Variants in FGF18 observed in about 807,000 individuals in gnomAD.
The protein encoded by FGF18 is fibroblast growth factor 18.
Under a neutral mutation model 23.0 loss-of-function variants are expected in FGF18, and 5 were observed. That is an observed-to-expected ratio of 0.22 (90% confidence interval 0.11 to 0.46). The LOEUF is 0.46. FGF18 is among the 20% of genes least tolerant of loss of function. The pLI is 0.99. For missense variants in FGF18, 180 were observed against 291.6 expected, an observed-to-expected ratio of 0.62 and a Z score of 2.79; for synonymous variants, 117 against 118.9, an observed-to-expected ratio of 0.98 and a Z score of 0.10.
Position 171,436,112 on chromosome 5 carries a change from A to G in FGF18, c.89A>G (p.Asn30Ser). ...GCCCAGGTGCTGGTTGCCGAGGAGA[A>G]CGTGGACTTCCGCATCCACGTGGAG... Reference protein sequence around the residue: ...FQVQVLVAEENVDFRIHVENQ... With the variant: ...FQVQVLVAEESVDFRIHVENQ... Residue 30 changes from asparagine (N) to serine (S), a missense_variant, in exon 3 of 5, where the codon AAC (asparagine) becomes AGC (serine). By Grantham distance (46) the Asn-to-Ser change is conservative. Coordinates refer to ENST00000274625, the MANE Select transcript of FGF18 (RefSeq NM_003862.3). This position sits in a 1 kb window ranked among gnomAD's most constrained non-coding sequence, Gnocchi z 4.4. 6.4e-7 allele frequency: 1 copy of G among 1,565,214 alleles called. No homozygotes were observed. The highest frequency in any genetic ancestry group is 8.7e-7 in the Non-Finnish European group (1 of 1,150,098).
chr5:171,451,764 C>G lies in FGF18; in HGVS notation c.357+2511C>G, dbSNP rs1046275550. Among the ~76,000 whole-genome samples the G allele has an allele frequency of 3.9e-4, 59 of 152,328 alleles. No homozygotes were observed. Among genetic ancestry groups the G allele is most frequent in the African/African-American group, 1.4e-3 (57 of 41,580 alleles). Reference sequence around the variant, plus strand: ...TCCAGATGCGTGGCACTGAGCACCGCTGTTCCATGGACGGGGCCTTCGGGC... The same window carrying G: ...TCCAGATGCGTGGCACTGAGCACCGGTGTTCCATGGACGGGGCCTTCGGGC... On this transcript the variant is annotated intron_variant, in intron 4 of 4. Coordinates refer to ENST00000274625, the MANE Select transcript of FGF18 (RefSeq NM_003862.3). This position sits in a 1 kb window ranked among gnomAD's most constrained non-coding sequence, Gnocchi z 4.5.
chr5:171,448,652 T>G (rs35786776), intron 3 of FGF18, among the ~76,000 whole-genome samples: 6,964 of 151,966 alleles, frequency 0.046, 231 homozygotes, highest in Middle Eastern at 0.11. Context: ...TTGCTTTGGG[T>G]TTGGGGGATG....
At chr5:171,441,529 G>A (rs1487764011) in intron 3 of FGF18, among the ~76,000 whole-genome samples, 2 of 152,148 alleles carry the variant, frequency 1.3e-5, no homozygotes, top group African/African-American at 4.8e-5. Context: ...CCCATGGCCC[G>A]CTCCCTCACC....
At chr5:171,455,835 A>G (rs1457127283) in intron 4 of FGF18, among the ~76,000 whole-genome samples, 1 of 152,208 alleles carries the variant, frequency 6.6e-6, no homozygotes, top group Non-Finnish European at 1.5e-5. Flanking sequence ...TTGCTCTGGT[A>G]GGGATGAAGT....
At chr5:171,422,851 A>T (rs1321594841) in intron 2 of FGF18, among the ~76,000 whole-genome samples, 1 of 152,114 alleles carries the variant, frequency 6.6e-6, no homozygotes, top group Admixed American at 6.5e-5. Flanking sequence ...CCCCAGCTCC[A>T]GCTCCATCTT....
chr5:171,428,944 C>A (rs1002192089), intron 2 of FGF18, among the ~76,000 whole-genome samples: 2 of 152,238 alleles, frequency 1.3e-5, no homozygotes, highest in South Asian at 2.1e-4. Flanking sequence ...CCCAACCCCC[C>A]ATCCTGCAGT....
chr5:171,438,069 G>A (rs1234354841), intron 3 of FGF18, among the ~76,000 whole-genome samples: 4 of 151,870 alleles, frequency 2.6e-5, no homozygotes, highest in African/African-American at 9.7e-5. Flanking sequence ...ACAATGGTTG[G>A]GCTAACGCAG....
rs376313942 is a variant in FGF18 at position 171,456,082 on chromosome 5, C to T, written c.358-457C>T. Among the ~76,000 whole-genome samples, 13 of 152,286 alleles carry T rather than the reference C, an allele frequency of 8.5e-5. No individual in the cohort carries two copies. The East Asian group carries it at 9.7e-4, about 11-fold the overall frequency. On this transcript the variant is annotated intron_variant, in intron 4 of 4. Transcript: ENST00000274625. This position sits in a 1 kb window ranked among gnomAD's most constrained non-coding sequence, Gnocchi z 6.1. Reference sequence around the variant, plus strand: ...CTCCTCCTAACAAAGAGTCTTCACTCGGCCAAACTAGAGTCAGGCTCCTGA... The same window carrying T: ...CTCCTCCTAACAAAGAGTCTTCACTTGGCCAAACTAGAGTCAGGCTCCTGA...
Position 171,457,455 on chromosome 5 carries a change from G to A in FGF18, c.*650G>A, listed in dbSNP as rs189173050. On this transcript the variant is annotated 3_prime_UTR_variant, in exon 5 of 5. Coordinates refer to ENST00000274625, the MANE Select transcript of FGF18 (RefSeq NM_003862.3). Reference sequence around the variant, plus strand: ...GAGGATGCTGCTATCGACCTTCCGTGACTCACGTGACCTAGTACACCAATG... The same window carrying A: ...GAGGATGCTGCTATCGACCTTCCGTAACTCACGTGACCTAGTACACCAATG... 1 of 152,072 alleles carries A rather than the reference G, an allele frequency of 6.6e-6. No homozygotes were observed. Among genetic ancestry groups the A allele is most frequent in the East Asian group, 1.9e-4 (1 of 5,170 alleles). The allele number at this position is 152,072 out of a possible 1,614,324, so 9.4% of individuals were successfully genotyped here. A position where few individuals can be genotyped will look rare whatever the true frequency, so the allele number is the denominator to read the frequency against.
intron 2 of FGF18, among the ~76,000 whole-genome samples, chr5:171,433,360 T>C (rs1772206587): frequency 1.3e-5 from 2 of 152,154 alleles, no homozygotes; most frequent in South Asian, 4.1e-4. Flanking sequence ...GTTTGACCTC[T>C]GGTCGATAAG....
rs1772603904 is a variant in FGF18, at chr5:171,457,474, A to T, written c.*669A>T. 1 of 151,928 alleles carries T rather than the reference A, an allele frequency of 6.6e-6. No homozygotes were observed. Among genetic ancestry groups the T allele is most frequent in the Non-Finnish European group, 1.5e-5 (1 of 68,036 alleles). 9.4% of individuals were successfully genotyped at this position (151,928 alleles called of 1,614,324 possible). A position where few individuals can be genotyped will look rare whatever the true frequency, so the allele number is the denominator to read the frequency against. On this transcript the variant is annotated 3_prime_UTR_variant, in exon 5 of 5. Transcript: ENST00000274625. ...TTCCGTGACTCACGTGACCTAGTAC[A>T]CCAATGATAAGGGAATATTTTAAAA...
intron 4 of FGF18, among the ~76,000 whole-genome samples, 163 bp downstream of exon 4, chr5:171,449,416 AGAGAGAGACAG>A: frequency 7.3e-6 from 1 of 137,594 alleles, no homozygotes; most frequent in African/African-American, 2.6e-5. Context: ...AGAGAGAGAG[AGAGAGAGACAG>A]GAGAGAGAGA....
rs912306351 is a variant in FGF18, at chr5:171,451,266, C to G, written c.357+2013C>G. ...CCGCTCCCGCCCAGGCCTCCACGCC[C>G]GACCCCAACCCTTGCCAGCCTCCTG... On this transcript the variant is annotated intron_variant, in intron 4 of 4. Transcript: ENST00000274625. This position sits in a 1 kb window ranked among gnomAD's most constrained non-coding sequence, Gnocchi z 4.5. Among the ~76,000 whole-genome samples, 1 of 152,142 alleles carries G rather than the reference C, an allele frequency of 6.6e-6. No individual in the cohort carries two copies. The highest frequency in any genetic ancestry group is 1.5e-5 in the Non-Finnish European group (1 of 68,000).
chr5:171,450,268 C>T (rs1772478960), intron 4 of FGF18, among the ~76,000 whole-genome samples: 1 of 152,176 alleles, frequency 6.6e-6, no homozygotes, highest in Non-Finnish European at 1.5e-5. Flanking sequence ...TCCCCCAAGT[C>T]TTATCCCTCT....
At chr5:171,422,739 G>A (rs1287390950) in intron 2 of FGF18, among the ~76,000 whole-genome samples, 6 of 152,186 alleles carry the variant, frequency 3.9e-5, no homozygotes, top group Non-Finnish European at 7.4e-5. Flanking sequence ...TGCACTTAGC[G>A]GGTAGCAGTT....
At chr5:171,449,025 A>T in intron 3 of FGF18, 122 bp from the exon 4 acceptor site, 1 of 718,548 alleles carries the variant, frequency 1.4e-6, no homozygotes, top group Non-Finnish European at 2.5e-6. Context: ...AGGCCTCCCC[A>T]TGCCTGATTT....
chr5:171,456,827 A>G lies in FGF18; in HGVS notation c.*22A>G, dbSNP rs1772591629. The G allele has an allele frequency of 6.3e-7, 1 of 1,594,390 alleles. No individual in the cohort carries two copies. Among genetic ancestry groups the G allele is most frequent in the Non-Finnish European group, 8.6e-7 (1 of 1,168,934 alleles). ...CTAGGCCACCCCGCCGCGGCCCCTC[A>G]GGTCGCCCTGGCCACACTCACACTC... On this transcript the variant is annotated 3_prime_UTR_variant, in exon 5 of 5. Coordinates refer to ENST00000274625, the MANE Select transcript of FGF18 (RefSeq NM_003862.3). The surrounding 1 kb of genome is among the most constrained non-coding windows in gnomAD (Gnocchi z 6.1).
chr5:171,436,384 G>A lies in FGF18; in HGVS notation c.250+111G>A. The A allele has an allele frequency of 2.2e-6, 2 of 900,022 alleles. No homozygotes were observed. The highest frequency in any genetic ancestry group is 3.1e-6 in the Non-Finnish European group (2 of 638,478). The allele number at this position is 900,022 out of a possible 1,614,324, so 55.8% of individuals were successfully genotyped here. A position where few individuals can be genotyped will look rare whatever the true frequency, so the allele number is the denominator to read the frequency against. ...TTGCTGCTCCTGGCTGTGTGATCTT[G>A]GACCTGGCACTGACCCTTTCTGGGT... On this transcript the variant is annotated intron_variant, in intron 3 of 4. Coordinates refer to ENST00000274625, the MANE Select transcript of FGF18 (RefSeq NM_003862.3). This position sits in a 1 kb window ranked among gnomAD's most constrained non-coding sequence, Gnocchi z 4.4.
At chr5:171,454,153 G>A (rs936257043) in intron 4 of FGF18, among the ~76,000 whole-genome samples, 1 of 152,146 alleles carries the variant, frequency 6.6e-6, no homozygotes, top group Non-Finnish European at 1.5e-5. Context: ...CTTGAATGGA[G>A]TCTTGAATGA....
Sources: allele counts gnomAD v4.1 joint callset (sites outside exome capture counted in the v4.1 genomes callset), GRCh38; gene constraint gnomAD v4.1.1; non-coding constraint Gnocchi (gnomAD v3.1); transcripts MANE v1.5; gene names NCBI Gene and HGNC (gene_info 2026-07-23, HGNC 2026-07-21).